Variants in CSMD1 observed in about 807,000 individuals in gnomAD.
CSMD1 encodes CUB and Sushi multiple domains 1, also known as CUB and sushi domain-containing protein 1.
Under a neutral mutation model 417.5 loss-of-function variants are expected in CSMD1, and 213 were observed. The observed-to-expected ratio is 0.51, with a 90% confidence interval of 0.46 to 0.57. The LOEUF is 0.57. Ranked by LOEUF, CSMD1 falls within the 20% of genes least tolerant of loss-of-function variation. CSMD1 has a pLI of 0.00. For missense variants in CSMD1, 6,923 were observed against 4,529.7 expected, an observed-to-expected ratio of 1.53 and a Z score of -15.17; for synonymous variants, 2,862 against 1,736.8, an observed-to-expected ratio of 1.65 and a Z score of -16.11.
chr8:4,928,868 G>A (rs775428789), intron 1 of CSMD1, among the ~76,000 whole-genome samples: 13 of 152,146 alleles, frequency 8.5e-5, no homozygotes, highest in Middle Eastern at 3.4e-3. Context: ...TTGGGAGTTC[G>A]AGACCAGCCT....
intron 10 of CSMD1, among the ~76,000 whole-genome samples, chr8:3,505,047 G>T (rs1203879067): frequency 1.3e-5 from 2 of 152,020 alleles, no homozygotes; most frequent in African/African-American, 4.8e-5. Flanking sequence ...GCATAAGATG[G>T]GAGAATAAGC....
intron 3 of CSMD1, among the ~76,000 whole-genome samples, chr8:4,327,086 A>G (rs1297266990): frequency 6.6e-6 from 1 of 152,188 alleles, no homozygotes; most frequent in African/African-American, 2.4e-5. Context: ...AGGTTGTAGC[A>G]TATTCTTGAA....
At chr8:4,358,573 G>A (rs1291149616) in intron 3 of CSMD1, among the ~76,000 whole-genome samples, 1 of 152,122 alleles carries the variant, frequency 6.6e-6, no homozygotes, top group African/African-American at 2.4e-5. Flanking sequence ...TTACTATCTG[G>A]CCATTTAAAG....
chr8:4,006,009 G>A (rs1211891537), intron 4 of CSMD1, among the ~76,000 whole-genome samples: 1 of 152,130 alleles, frequency 6.6e-6, no homozygotes, highest in Non-Finnish European at 1.5e-5. Flanking sequence ...AGGGTTTTCT[G>A]AAAACACAAT....
chr8:3,117,468 T>C (rs1011191668), intron 42 of CSMD1, among the ~76,000 whole-genome samples: 1 of 152,192 alleles, frequency 6.6e-6, no homozygotes, highest in African/African-American at 2.4e-5. Flanking sequence ...CTTCCCCTTT[T>C]CCCCACAGGA....
chr8:3,718,214 G>T (rs1801951242), intron 6 of CSMD1, among the ~76,000 whole-genome samples: 1 of 152,090 alleles, frequency 6.6e-6, no homozygotes, highest in African/African-American at 2.4e-5. Flanking sequence ...TTTTTTTAAA[G>T]TCTGGAAACA....
At chr8:4,129,972 A>G (rs1328452229) in intron 3 of CSMD1, among the ~76,000 whole-genome samples, 1 of 152,042 alleles carries the variant, frequency 6.6e-6, no homozygotes, top group Admixed American at 6.5e-5. Context: ...GTTTCTTCCC[A>G]GTTGCTTTAC....
intron 12 of CSMD1, among the ~76,000 whole-genome samples, chr8:3,419,445 T>A: frequency 6.6e-6 from 1 of 152,320 alleles, no homozygotes; most frequent in South Asian, 2.1e-4. Flanking sequence ...TTTCAAGTAA[T>A]AAAAATACAC....
chr8:4,237,044 T>C (rs1802108300), intron 3 of CSMD1, among the ~76,000 whole-genome samples: 3 of 152,338 alleles, frequency 2.0e-5, no homozygotes, highest in South Asian at 2.1e-4. Flanking sequence ...TGTGTTGCCA[T>C]GGACAGATAA....
rs374951684 is a variant in CSMD1, at chr8:4,031,957, G to T, written c.558C>A (p.Ile186=). 1.4e-5 allele frequency: 22 copies of T among 1,613,842 alleles called. No individual in the cohort carries two copies. Among genetic ancestry groups the T allele is most frequent in the African/African-American group, 2.7e-5 (2 of 74,924 alleles). Residue 186 remains isoleucine (I), a synonymous_variant, in exon 4 of 70, where the codon ATC becomes ATA. Coordinates refer to ENST00000635120, the MANE Select transcript of CSMD1 (RefSeq NM_033225.6). ...ACGATGCACCATTTCCTGGGCTGAC[G>T]ATGCAGGTCAGGATGGCGTGGCCTT... is the stretch of plus-strand genomic sequence containing the variant. The part of the protein sequence containing the change: ...ILEGHAILTC[I]VSPGNGASWD...
At position 2,974,447 on chromosome 8, in the gene CSMD1, T is replaced by A. The variant is rs1411146253; in HGVS notation, c.8740+4A>T. 1 of 1,577,894 alleles carries A rather than the reference T, an allele frequency of 6.3e-7. No individual in the cohort carries two copies. Among genetic ancestry groups the A allele is most frequent in the Non-Finnish European group, 8.6e-7 (1 of 1,158,566 alleles). Reference sequence around the variant, plus strand: ...TTCTGTCAGTTCACTCGTAAGCCCCTCACCTGTGCAGTGGGGCAGTGCCCC... The same window carrying A: ...TTCTGTCAGTTCACTCGTAAGCCCCACACCTGTGCAGTGGGGCAGTGCCCC... On this transcript the variant is annotated splice_donor_region_variant and intron_variant, in intron 56 of 69. Transcript: ENST00000635120.
At chr8:3,231,034 T>A (rs1173538989) in intron 26 of CSMD1, among the ~76,000 whole-genome samples, 1 of 152,142 alleles carries the variant, frequency 6.6e-6, no homozygotes, top group South Asian at 2.1e-4. Context: ...ACCTCCCATA[T>A]GCAGCCATCG....
At chr8:3,039,562 T>C (rs1810947191) in intron 50 of CSMD1, among the ~76,000 whole-genome samples, 1 of 151,774 alleles carries the variant, frequency 6.6e-6, no homozygotes, top group Admixed American at 6.6e-5. Context: ...TTCCTCCTTA[T>C]TTTCTTCCTC....
chr8:3,239,899 G>A (rs1001994548), intron 26 of CSMD1, among the ~76,000 whole-genome samples: 4 of 152,086 alleles, frequency 2.6e-5, no homozygotes, highest in East Asian at 1.9e-4. Context: ...ATTGAAGTCC[G>A]GGCCAGGAAC....
chr8:2,951,381 T>C (rs1802620351), intron 65 of CSMD1, 106 bp from the exon 66 acceptor site: 1 of 1,160,960 alleles, frequency 8.6e-7, no homozygotes, highest in Non-Finnish European at 1.2e-6. Context: ...CGATCACAGA[T>C]GAGGGCAGTG....
intron 5 of CSMD1, among the ~76,000 whole-genome samples, chr8:3,807,291 T>C (rs1041524363): frequency 1.3e-5 from 2 of 152,160 alleles, no homozygotes; most frequent in Admixed American, 6.5e-5. Flanking sequence ...CTATACCGCA[T>C]GCCAGCAAAA....
chr8:3,853,388 G>A (rs1320051748), intron 5 of CSMD1, among the ~76,000 whole-genome samples: 1 of 151,942 alleles, frequency 6.6e-6, no homozygotes, highest in Non-Finnish European at 1.5e-5. Flanking sequence ...GTAATGCATT[G>A]GTATAGCACG....
At chr8:4,655,587 A>C (rs1385732682) in intron 1 of CSMD1, among the ~76,000 whole-genome samples, 1 of 152,134 alleles carries the variant, frequency 6.6e-6, no homozygotes, top group Non-Finnish European at 1.5e-5. Context: ...TATTTTTCAA[A>C]AAACTTCTGT....
intron 1 of CSMD1, among the ~76,000 whole-genome samples, chr8:4,968,344 C>G (rs1399748148): frequency 2.0e-5 from 3 of 151,962 alleles, no homozygotes; most frequent in African/African-American, 7.3e-5. Context: ...GTCACCATCA[C>G]CACTATCCAC....
Sources: gnomAD v4.1 joint callset for allele counts (sites outside exome capture counted in the v4.1 genomes callset) on GRCh38, gnomAD v4.1.1 for gene constraint, MANE v1.5 for transcripts, NCBI Gene and HGNC (gene_info 2026-07-23, HGNC 2026-07-21) for gene names.